The following HEATR1 variants were observed in gnomAD, a reference collection of about 807,000 sequenced individuals.
HEATR1 encodes the protein HEAT repeat-containing protein 1.
A neutral mutation model predicts 248.2 loss-of-function variants in HEATR1; 77 were observed. The observed-to-expected ratio is 0.31, with a 90% confidence interval of 0.26 to 0.37. The LOEUF is 0.37. Among genes scored for constraint, HEATR1 ranks in the 10% least tolerant of loss-of-function variants. The pLI is 1.00. For missense variants in HEATR1, 2,420 were observed against 2,504.9 expected, an observed-to-expected ratio of 0.97 and a Z score of 0.72; for synonymous variants, 897 against 923.1, an observed-to-expected ratio of 0.97 and a Z score of 0.51.
rs199803268 is a variant in HEATR1 at position 236,555,384 on chromosome 1, T to C, written c.5835A>G (p.Glu1945=). The change falls in exon 41 of 45, where the codon GAA becomes GAG. Residue 1945 remains glutamate, a synonymous_variant. Transcript: ENST00000366582. ...TFYNLADCIA[E]KLKGLFTLFA... ...ACAGAGTAAAAAGCCCTTTCAGCTT[T>C]TCAGCAATGCAATCTGCCAAGTTGT... 2 of 1,614,246 alleles carry C rather than the reference T, an allele frequency of 1.2e-6. No homozygotes were observed. The highest frequency in any genetic ancestry group is 1.7e-5 in the Admixed American group (1 of 60,028).
Position 236,597,986 on chromosome 1 carries a change from T to C in HEATR1, c.502-7A>G, listed in dbSNP as rs1204031636. On this transcript the variant is annotated splice_region_variant and splice_polypyrimidine_tract_variant and intron_variant, in intron 4 of 44. Transcript: ENST00000366582. ...CTAACGGCACTCCAGATTGCTGTTATTGATGGAAAGAACAAACTACTAGCA... is the reference window on the plus strand; with the variant it reads ...CTAACGGCACTCCAGATTGCTGTTACTGATGGAAAGAACAAACTACTAGCA... 1 of 1,593,136 alleles carries C rather than the reference T, an allele frequency of 6.3e-7. No homozygotes were observed. The highest frequency in any genetic ancestry group is 2.2e-5 in the East Asian group (1 of 44,730).
chr1:236,590,539 T>C (rs1664004260), intron 12 of HEATR1, among the ~76,000 whole-genome samples: 3 of 152,092 alleles, frequency 2.0e-5, no homozygotes, highest in Admixed American at 2.0e-4. Context: ...AAATCAAATT[T>C]CAAAACTAAA....
At chr1:236,576,737 C>G (rs562070979) in intron 21 of HEATR1, 43 bp downstream of exon 21, 1 of 1,553,018 alleles carries the variant, frequency 6.4e-7, no homozygotes, top group South Asian at 1.2e-5. Flanking sequence ...CTCCAGTACA[C>G]AGAGGCATGA....
At chr1:236,564,777 G>GA in intron 31 of HEATR1, 116 bp from the exon 32 acceptor site, 3 of 988,742 alleles carry the variant, frequency 3.0e-6, no homozygotes, top group South Asian at 1.8e-5. Flanking sequence ...TTTTCCCAGA[G>GA]AAATGTGTTC....
chr1:236,584,894 G>A (rs933711939), intron 17 of HEATR1, 131 bp downstream of exon 17: 4 of 724,550 alleles, frequency 5.5e-6, no homozygotes, highest in Middle Eastern at 4.0e-4. Flanking sequence ...ACCCAAGACT[G>A]CTTCACATTT....
At chr1:236,551,807 T>A in intron 44 of HEATR1, 192 bp downstream of exon 44, 2 of 548,328 alleles carry the variant, frequency 3.6e-6, no homozygotes, top group South Asian at 4.7e-5. Flanking sequence ...ACTTCGCAAC[T>A]TGCTCCCTCC....
chr1:236,551,134 G>T (rs1272079754), intron 44 of HEATR1, 144 bp from the exon 45 acceptor site: 2 of 651,050 alleles, frequency 3.1e-6, no homozygotes, highest in Non-Finnish European at 5.1e-6. Context: ...CAAAGCAGGA[G>T]GCGCCACGGA....
At position 236,549,304 on chromosome 1, in the gene HEATR1, G is replaced by A. The variant is rs1342287747; in HGVS notation, c.*1598C>T. On this transcript the variant is annotated 3_prime_UTR_variant, in exon 45 of 45. Transcript: ENST00000366582. ...TTCTGTGATTTTTCTATTATTTGAGGGGAGTTGGCAGAAGTTCCATGTATA... is the reference window on the plus strand; with the variant it reads ...TTCTGTGATTTTTCTATTATTTGAGAGGAGTTGGCAGAAGTTCCATGTATA... The A allele has an allele frequency of 4.3e-6, 1 of 233,650 alleles. No individual in the cohort carries two copies. Among genetic ancestry groups the A allele is most frequent in the Non-Finnish European group, 8.2e-6 (1 of 121,896 alleles). The allele number at this position is 233,650 out of a possible 1,614,324, so 14.5% of individuals were successfully genotyped here.
At chr1:236,604,166 T>C (rs1664410226) in intron 1 of HEATR1, 39 bp from the exon 2 acceptor site, 11 of 1,470,742 alleles carry the variant, frequency 7.5e-6, no homozygotes, top group Non-Finnish European at 9.0e-6. Flanking sequence ...TTCTACGAAA[T>C]TATAAGGCGC....
Position 236,558,454 on chromosome 1 carries a change from G to C in HEATR1, c.4987C>G (p.Gln1663Glu), listed in dbSNP as rs1260501927. The change falls in exon 36 of 45, where the codon CAA (glutamine) becomes GAA (glutamate). Residue 1663 changes from glutamine (Q) to glutamate (E), a missense_variant. Transcript: ENST00000366582. ...AACGCTGTCTGTCTGTTGATTGCTT[G>C]TTCTTCTTCCCCTTCCTTTTTCTTA... ...QRKKKEGEEE[Q>E]AINRQTALYT... 1 of 1,614,174 alleles carries C rather than the reference G, an allele frequency of 6.2e-7. No homozygotes were observed. The highest frequency in any genetic ancestry group is 1.1e-5 in the South Asian group (1 of 91,088).
At position 236,564,640 on chromosome 1, in the gene HEATR1, G is replaced by A; in HGVS notation, c.4457C>T (p.Ser1486Leu). ...EKEETIPKAV[S>L]FNKSESQEEM... Reference sequence around the variant, plus strand: ...TTCTTGTGATTCACTCTTATTAAATGACACTGCTTTGGGAATGGTTTCTGA... The same window carrying A: ...TTCTTGTGATTCACTCTTATTAAATAACACTGCTTTGGGAATGGTTTCTGA... The change falls in exon 32 of 45, where the codon TCA (serine) becomes TTA (leucine). Residue 1486 changes from serine (S) to leucine (L), a missense_variant. Transcript: ENST00000366582. 2 of 1,612,214 alleles carry A rather than the reference G, an allele frequency of 1.2e-6. No individual in the cohort carries two copies. The highest frequency in any genetic ancestry group is 1.7e-6 in the Non-Finnish European group (2 of 1,179,600).
intron 42 of HEATR1, 122 bp from the exon 43 acceptor site, chr1:236,553,861 C>T (rs1662859539): frequency 9.6e-7 from 1 of 1,036,946 alleles, no homozygotes; most frequent in East Asian, 2.5e-5. Flanking sequence ...AAAAACCAGG[C>T]ATTATTCTAA....
intron 11 of HEATR1, among the ~76,000 whole-genome samples, chr1:236,591,702 T>C (rs563612337): frequency 6.6e-6 from 1 of 151,662 alleles, no homozygotes; most frequent in Non-Finnish European, 1.5e-5. Flanking sequence ...GAAACCTACA[T>C]GAGGCCGTCC....
At chr1:236,553,437 G>T in intron 43 of HEATR1, 144 bp downstream of exon 43, 2 of 803,806 alleles carry the variant, frequency 2.5e-6, no homozygotes, top group Non-Finnish European at 3.6e-6. Context: ...TAATACAAAA[G>T]ACCGGACCTC....
At position 236,588,000 on chromosome 1, in the gene HEATR1, C is replaced by T. The variant is rs372480318; in HGVS notation, c.1574G>A (p.Arg525Gln). The T allele has an allele frequency of 6.8e-6, 11 of 1,612,356 alleles. No individual in the cohort carries two copies. Among genetic ancestry groups the T allele is most frequent in the East Asian group, 2.2e-5 (1 of 44,766 alleles). ...AACATCTATATTATCATCACCTAAT[C>T]GGGCTAAAACAGCTTCTTTTATGAA... ...ESFIKEAVLA[R>Q]LGDDNIDVVL... is the part of the protein sequence containing the mutation. The change falls in exon 13 of 45, where the codon CGA becomes CAA. Residue 525 changes from arginine to glutamine, a missense_variant. Physicochemically the swap from Arg to Gln is conservative, Grantham distance 43. Transcript: ENST00000366582.
chr1:236,566,968 C>T, intron 29 of HEATR1, 92 bp from the exon 30 acceptor site: 1 of 789,890 alleles, frequency 1.3e-6, no homozygotes, highest in South Asian at 1.6e-5. Flanking sequence ...TAGATGGGCC[C>T]CAAGAAATTG....
intron 12 of HEATR1, 72 bp from the exon 13 acceptor site, chr1:236,588,115 G>A: frequency 8.6e-7 from 1 of 1,158,022 alleles, no homozygotes; most frequent in Non-Finnish European, 1.3e-6. Flanking sequence ...TAGAAAGGAA[G>A]TATGGTTTTG....
At chr1:236,585,293 G>A (rs374375857) in intron 16 of HEATR1, 77 bp from the exon 17 acceptor site, 4 of 1,187,118 alleles carry the variant, frequency 3.4e-6, no homozygotes, top group Non-Finnish European at 3.6e-6. Context: ...GGTCTATCTA[G>A]GTATTATGTG....
At chr1:236,588,931 C>G (rs1292722433) in intron 12 of HEATR1, among the ~76,000 whole-genome samples, 1 of 152,130 alleles carries the variant, frequency 6.6e-6, no homozygotes, top group Non-Finnish European at 1.5e-5. Flanking sequence ...GATAACATAG[C>G]AAGACCCCAT....
Sources: gnomAD v4.1 joint callset for allele counts (sites outside exome capture counted in the v4.1 genomes callset) on GRCh38, gnomAD v4.1.1 for gene constraint, MANE v1.5 for transcripts, NCBI Gene and HGNC (gene_info 2026-07-23, HGNC 2026-07-21) for gene names.